Variants in SETBP1 observed in about 807,000 individuals in gnomAD.
The protein encoded by SETBP1 is SET-binding protein.
Under a neutral mutation model 101.0 loss-of-function variants are expected in SETBP1, and 9 were observed. That is an observed-to-expected ratio of 0.09 (90% CI 0.05 to 0.16). The LOEUF is 0.16. Ranked by LOEUF, SETBP1 falls within the 10% of genes least tolerant of loss-of-function variation. The pLI is 1.00. For missense variants in SETBP1, 1,858 were observed against 2,033.8 expected (o/e 0.91, Z 1.66); for synonymous variants, 818 against 788.5 (o/e 1.04, Z -0.63).
chr18:44,996,771 C>A (rs1412383176), intron 4 of SETBP1, among the ~76,000 whole-genome samples: 1 of 152,142 alleles, frequency 6.6e-6, no homozygotes, highest in Non-Finnish European at 1.5e-5. Flanking sequence ...TGGGCTGCTA[C>A]TCCTATACTC....
intron 4 of SETBP1, among the ~76,000 whole-genome samples, chr18:44,961,551 A>T (rs928664569): frequency 6.6e-6 from 1 of 152,158 alleles, no homozygotes; most frequent in African/African-American, 2.4e-5. Flanking sequence ...CCTTGATGAG[A>T]AGTGATACTT....
At chr18:44,806,128 G>A (rs888827469) in intron 2 of SETBP1, among the ~76,000 whole-genome samples, 3 of 152,080 alleles carry the variant, frequency 2.0e-5, no homozygotes, top group Non-Finnish European at 2.9e-5. Flanking sequence ...ATTAAATGAA[G>A]GAAATGCCAC....
intron 4 of SETBP1, among the ~76,000 whole-genome samples, chr18:44,977,279 A>G (rs1369206893): frequency 1.3e-5 from 2 of 152,214 alleles, no homozygotes; most frequent in Non-Finnish European, 2.9e-5. Context: ...GTATGTGTGG[A>G]CAACTGATAT....
At chr18:44,785,581 T>C (rs910097282) in intron 2 of SETBP1, among the ~76,000 whole-genome samples, 1 of 152,218 alleles carries the variant, frequency 6.6e-6, no homozygotes, top group African/African-American at 2.4e-5. Context: ...AAGAGGAGTA[T>C]GTTTATTGAT....
intron 1 of SETBP1, among the ~76,000 whole-genome samples, chr18:44,692,677 G>A (rs2068954828): frequency 1.3e-5 from 2 of 152,188 alleles, no homozygotes; most frequent in African/African-American, 4.8e-5. Flanking sequence ...GCGTGTGTGT[G>A]TCTGTGCACA....
At chr18:44,972,159 C>G (rs1236647811) in intron 4 of SETBP1, among the ~76,000 whole-genome samples, 1 of 152,154 alleles carries the variant, frequency 6.6e-6, no homozygotes, top group Non-Finnish European at 1.5e-5. Flanking sequence ...TTATTTTTGT[C>G]AGGTTTGTCA....
At position 44,772,885 on chromosome 18, in the gene SETBP1, C is replaced by T. The variant is rs564593867; in HGVS notation, c.486+71053C>T. Among the ~76,000 whole-genome samples the T allele has an allele frequency of 1.5e-4, 23 of 152,280 alleles. No individual in the cohort carries two copies. The East Asian group carries it at 3.9e-3, about 26-fold the overall frequency. On this transcript the variant is annotated intron_variant, in intron 2 of 5. Transcript: ENST00000649279. Reference sequence around the variant, plus strand: ...GATCTTAACATGATTCCTCCTTAAGCGTCTTCTACCTGAAAGAATCTTTTA... The same window carrying T: ...GATCTTAACATGATTCCTCCTTAAGTGTCTTCTACCTGAAAGAATCTTTTA...
intron 2 of SETBP1, among the ~76,000 whole-genome samples, chr18:44,848,064 T>C (rs1051158406): frequency 1.7e-4 from 21 of 123,922 alleles, no homozygotes; most frequent in African/African-American, 6.2e-4. Context: ...ACATCTCTAC[T>C]CTCTGAAGGT....
intron 4 of SETBP1, among the ~76,000 whole-genome samples, chr18:44,993,903 T>C (rs1024120346): frequency 6.6e-5 from 10 of 152,100 alleles, no homozygotes; most frequent in East Asian, 1.9e-4. Context: ...TTAACTGTGA[T>C]AGTTGAAACT....
chr18:44,740,281 G>A (rs758757603), intron 2 of SETBP1, among the ~76,000 whole-genome samples: 20 of 152,140 alleles, frequency 1.3e-4, no homozygotes, highest in Middle Eastern at 3.4e-3. Context: ...TTACCTTTAC[G>A]CTAATGACGA....
intron 1 of SETBP1, 143 bp downstream of exon 1, chr18:44,681,164 T>C (rs2144073434): frequency 6.6e-6 from 1 of 152,366 alleles, no homozygotes. Context: ...GAATGCCTTT[T>C]TGAAAGCACG....
At chr18:44,908,443 T>C (rs2070228692) in intron 3 of SETBP1, among the ~76,000 whole-genome samples, 1 of 152,088 alleles carries the variant, frequency 6.6e-6, no homozygotes, top group Non-Finnish European at 1.5e-5. Context: ...TATTTATTTA[T>C]TGAAAAGACT....
intron 4 of SETBP1, among the ~76,000 whole-genome samples, chr18:45,031,403 A>G (rs947109265): frequency 6.6e-6 from 1 of 152,164 alleles, no homozygotes; most frequent in Admixed American, 6.6e-5. Context: ...AAACTCCTTT[A>G]ATCCACACAA....
chr18:44,686,547 C>T (rs547799069), intron 1 of SETBP1, among the ~76,000 whole-genome samples: 1 of 152,190 alleles, frequency 6.6e-6, no homozygotes, highest in Non-Finnish European at 1.5e-5. Flanking sequence ...TCACTTACCC[C>T]CTCCAAGCTC....
intron 5 of SETBP1, among the ~76,000 whole-genome samples, chr18:45,048,985 A>G (rs1268075210): frequency 7.0e-6 from 1 of 142,276 alleles, no homozygotes; most frequent in African/African-American, 2.8e-5. Context: ...TCTCAAAAAA[A>G]AAAAAAAAAA....
chr18:44,847,073 TTAGA>T (rs1168014937), intron 2 of SETBP1, among the ~76,000 whole-genome samples: 1 of 152,060 alleles, frequency 6.6e-6, no homozygotes, highest in Non-Finnish European at 1.5e-5. Flanking sequence ...TAGAATGATA[TTAGA>T]TAGAGGAGAA....
At chr18:44,839,705 A>T (rs562430523) in intron 2 of SETBP1, among the ~76,000 whole-genome samples, 3 of 152,200 alleles carry the variant, frequency 2.0e-5, no homozygotes, top group Non-Finnish European at 4.4e-5. Flanking sequence ...AGATAAGTGG[A>T]GGTCTGAGAT....
chr18:44,949,778 C>A, intron 3 of SETBP1, 103 bp from the exon 4 acceptor site: 3 of 944,166 alleles, frequency 3.2e-6, no homozygotes, highest in Non-Finnish European at 4.9e-6. Context: ...TTCCAACTTT[C>A]AGATCATTGA....
chr18:44,962,829 G>C (rs566281384), intron 4 of SETBP1, among the ~76,000 whole-genome samples: 1 of 152,130 alleles, frequency 6.6e-6, no homozygotes, highest in Non-Finnish European at 1.5e-5. Context: ...CAGTGCGGGG[G>C]CTGGGGAGAA....
Sources: allele counts gnomAD v4.1 joint callset (sites outside exome capture counted in the v4.1 genomes callset), GRCh38; gene constraint gnomAD v4.1.1; transcripts MANE v1.5; gene names NCBI Gene and HGNC (gene_info 2026-07-23, HGNC 2026-07-21).